NIPAL3: variants seen among roughly 807,000 people sequenced by gnomAD.
NIPAL3 encodes NIPA-like protein 3.
NIPAL3 carries 41 observed loss-of-function variants against 47.2 expected under a neutral mutation model. That is an observed-to-expected ratio of 0.87 (90% CI 0.68 to 1.13). The LOEUF (loss-of-function observed/expected upper bound fraction) is 1.13. Among genes scored for constraint, NIPAL3 ranks in the 50% most tolerant of loss-of-function variants. The probability of loss-of-function intolerance (pLI) is 0.00; values close to 1 mark genes in which losing one functional copy is unlikely to be tolerated. For synonymous variants in NIPAL3, 194 were observed against 209.6 expected, an observed-to-expected ratio of 0.93 and a Z score of 0.64; for missense variants, 449 against 530.1, an observed-to-expected ratio of 0.85 and a Z score of 1.50.
chr1:24,468,949 C>G (rs761747718), intron 11 of NIPAL3, 37 bp from the exon 12 acceptor site: 2 of 1,602,318 alleles, frequency 1.2e-6, no homozygotes, highest in East Asian at 2.2e-5. Flanking sequence ...GGCCCCCTTA[C>G]CGCGTAATGA....
At chr1:24,437,072 A>G (rs1645151577) in intron 2 of NIPAL3, among the ~76,000 whole-genome samples, 1 of 151,996 alleles carries the variant, frequency 6.6e-6, no homozygotes, top group Non-Finnish European at 1.5e-5. Context: ...TAACACGGTG[A>G]AACCCACCTC....
At chr1:24,468,828 G>T (rs1286198425) in intron 11 of NIPAL3, among the ~76,000 whole-genome samples, 158 bp from the exon 12 acceptor site, 2 of 152,174 alleles carry the variant, frequency 1.3e-5, no homozygotes, top group Admixed American at 6.5e-5. Flanking sequence ...GTGTATATTT[G>T]TGGGTGTTCT....
chr1:24,415,009 C>A (rs1475852334), upstream of NIPAL3: 2 of 152,198 alleles, frequency 1.3e-5, no homozygotes, highest in Non-Finnish European at 2.9e-5. Flanking sequence ...GAGACTAGAA[C>A]TGCCTCTTTC....
intron 2 of NIPAL3, among the ~76,000 whole-genome samples, chr1:24,426,795 G>T (rs1189786883): frequency 6.6e-6 from 1 of 152,076 alleles, no homozygotes; most frequent in African/African-American, 2.4e-5. Flanking sequence ...ATTCTACTCT[G>T]CCTTGTCAAC....
chr1:24,434,022 C>A (rs563016414), intron 2 of NIPAL3, among the ~76,000 whole-genome samples: 1 of 151,904 alleles, frequency 6.6e-6, no homozygotes, highest in South Asian at 2.1e-4. Context: ...CAAAAGAGGG[C>A]AGTAATGGAG....
intron 7 of NIPAL3, chr1:24,453,938 C>T (rs960507436): frequency 2.3e-6 from 1 of 427,278 alleles, no homozygotes; most frequent in Non-Finnish European, 4.6e-6. Flanking sequence ...TAGATTTTGT[C>T]ATCTATTTTT....
intron 7 of NIPAL3, among the ~76,000 whole-genome samples, chr1:24,455,708 A>G (rs902376444): frequency 6.6e-6 from 1 of 152,164 alleles, no homozygotes; most frequent in African/African-American, 2.4e-5. Flanking sequence ...GTGACTGAGC[A>G]CTAAAAAACC....
intron 9 of NIPAL3, among the ~76,000 whole-genome samples, chr1:24,459,790 T>A (rs1000154445): frequency 1.3e-5 from 2 of 152,182 alleles, no homozygotes; most frequent in African/African-American, 4.8e-5. Flanking sequence ...AGAAGCTTGG[T>A]CAAGAAGCGT....
chr1:24,466,178 C>A (rs1276106921), intron 11 of NIPAL3: 3 of 1,325,920 alleles, frequency 2.3e-6, no homozygotes, highest in East Asian at 2.5e-5. Context: ...CTCAGCCAGG[C>A]CTTGGCCCTT....
chr1:24,455,900 G>A (rs933119652), intron 7 of NIPAL3, among the ~76,000 whole-genome samples: 5 of 152,172 alleles, frequency 3.3e-5, no homozygotes, highest in African/African-American at 7.2e-5. Flanking sequence ...CCTTCAGGGG[G>A]TTGGCTTTCC....
chr1:24,437,247 A>G (rs1022681054), intron 2 of NIPAL3, among the ~76,000 whole-genome samples: 9 of 152,172 alleles, frequency 5.9e-5, no homozygotes, highest in Non-Finnish European at 2.9e-5. Context: ...GTGAGACTCC[A>G]TCTCAAAAAA....
Position 24,449,477 on chromosome 1 carries a change from G to T in NIPAL3, c.395-4G>T. On this transcript the variant is annotated splice_polypyrimidine_tract_variant and splice_region_variant and intron_variant, in intron 5 of 11. Transcript: ENST00000374399. This position sits in a 1 kb window ranked among gnomAD's most constrained non-coding sequence, Gnocchi z 4.5. The stretch of plus-strand genomic sequence containing the variant: ...GAGTCCGTGACAGCCTCTCTTCCCC[G>T]CAGGGCGCTACGTCTTGTCCTTTGT... The T allele has an allele frequency of 6.2e-7, 1 of 1,612,528 alleles. No homozygotes were observed.
At chr1:24,456,010 G>A (rs1014393228) in intron 7 of NIPAL3, 128 bp from the exon 8 acceptor site, 98 of 1,125,592 alleles carry the variant, frequency 8.7e-5, no homozygotes, top group Non-Finnish European at 1.2e-4. Flanking sequence ...GCAAACTGCC[G>A]GCTTGACTCT....
intron 11 of NIPAL3, among the ~76,000 whole-genome samples, chr1:24,468,573 GAC>G (rs1371391083): frequency 6.6e-6 from 1 of 152,134 alleles, no homozygotes; most frequent in Non-Finnish European, 1.5e-5. Flanking sequence ...AGGTGCCCAT[GAC>G]ACAAAAATTA....
At chr1:24,427,773 A>G (rs1008949595) in intron 2 of NIPAL3, among the ~76,000 whole-genome samples, 2 of 152,240 alleles carry the variant, frequency 1.3e-5, no homozygotes, top group African/African-American at 4.8e-5. Flanking sequence ...TGCTCCATCA[A>G]TACCAGCCTT....
intron 11 of NIPAL3, chr1:24,464,361 T>C: frequency 3.3e-6 from 1 of 307,270 alleles, no homozygotes; most frequent in Admixed American, 4.9e-5. Flanking sequence ...AATAAAATTC[T>C]GATTCATACT....
At position 24,451,970 on chromosome 1, in the gene NIPAL3, C is replaced by T. The variant is rs139466678; in HGVS notation, c.541-1438C>T. Among the ~76,000 whole-genome samples the T allele has an allele frequency of 1.6e-3, 248 of 152,154 alleles. 1 individual carries two copies. The highest frequency in any genetic ancestry group is 5.5e-3 in the African/African-American group (227 of 41,522). ...CACTGGAACAAAGACAAAGAAGAAA[C>T]GGGGAAATGAAAGCAGCTGTGTTTT... On this transcript the variant is annotated intron_variant, in intron 6 of 11. Coordinates refer to ENST00000374399, the MANE Select transcript of NIPAL3 (RefSeq NM_020448.5). The surrounding 1 kb of genome is among the most constrained non-coding windows in gnomAD (Gnocchi z 4.5).
intron 11 of NIPAL3, among the ~76,000 whole-genome samples, chr1:24,467,600 A>G (rs745949271): frequency 1.3e-5 from 2 of 152,158 alleles, no homozygotes; most frequent in Non-Finnish European, 2.9e-5. Flanking sequence ...CTGCTGCTTC[A>G]TTTTCGTTAT....
chr1:24,464,654 G>A (rs1646622605), intron 11 of NIPAL3: 1 of 152,176 alleles, frequency 6.6e-6, no homozygotes, highest in Non-Finnish European at 1.5e-5. Flanking sequence ...AGCAGGGAGT[G>A]GTGGGACCTG....
Sources: allele counts gnomAD v4.1 joint callset (sites outside exome capture counted in the v4.1 genomes callset), GRCh38; gene constraint gnomAD v4.1.1; non-coding constraint Gnocchi (gnomAD v3.1); transcripts MANE v1.5; gene names NCBI Gene and HGNC (gene_info 2026-07-23, HGNC 2026-07-21).